Variants in BCAT1 observed in about 807,000 individuals in gnomAD.
BCAT1 encodes the protein branched-chain-amino-acid aminotransferase, cytosolic.
Under a neutral mutation model 52.4 loss-of-function variants are expected in BCAT1, and 48 were observed. That is an observed-to-expected ratio of 0.92 (90% CI 0.73 to 1.16). The LOEUF is 1.16. Ranked by LOEUF, BCAT1 falls within the 50% of genes most tolerant of loss-of-function variation. The pLI is 0.00. For synonymous variants in BCAT1, 167 were observed against 161.3 expected (o/e 1.04, Z -0.27); for missense variants, 451 against 457.1 (o/e 0.99, Z 0.12).
intron 1 of BCAT1, among the ~76,000 whole-genome samples, chr12:24,937,047 T>C (rs1413590625): frequency 6.6e-6 from 1 of 151,952 alleles, no homozygotes; most frequent in Non-Finnish European, 1.5e-5. Context: ...TGCACAGTGG[T>C]AAAAAAACTG....
intron 1 of BCAT1, among the ~76,000 whole-genome samples, chr12:24,947,060 T>C (rs1485750948): frequency 6.6e-6 from 1 of 152,056 alleles, no homozygotes; most frequent in African/African-American, 2.4e-5. Context: ...ACCACCCTTT[T>C]GTTAGGCCAG....
intron 5 of BCAT1, among the ~76,000 whole-genome samples, chr12:24,859,642 A>G (rs1042170489): frequency 2.8e-5 from 4 of 145,110 alleles, no homozygotes; most frequent in African/African-American, 5.1e-5. Flanking sequence ...AAAAAAAAGG[A>G]TTTTGCTTTT....
At chr12:24,865,067 C>A (rs1941965979) in intron 5 of BCAT1, among the ~76,000 whole-genome samples, 1 of 152,172 alleles carries the variant, frequency 6.6e-6, no homozygotes. Context: ...GGGGTTAGTC[C>A]TTGCCTTCTT....
intron 1 of BCAT1, among the ~76,000 whole-genome samples, chr12:24,928,704 T>TTG (rs1943632763): frequency 6.9e-6 from 1 of 144,090 alleles, no homozygotes; most frequent in African/African-American, 2.6e-5. Context: ...GTGTGAAATG[T>TTG]TTGTTGTTGT....
chr12:24,871,567 C>T (rs921428668), intron 5 of BCAT1, among the ~76,000 whole-genome samples: 3 of 152,010 alleles, frequency 2.0e-5, no homozygotes, highest in Admixed American at 2.0e-4. Flanking sequence ...TAATTTGATT[C>T]CTGAGAATTA....
At chr12:24,926,868 A>G (rs1943596945) in intron 1 of BCAT1, among the ~76,000 whole-genome samples, 1 of 151,704 alleles carries the variant, frequency 6.6e-6, no homozygotes, top group Admixed American at 6.6e-5. Flanking sequence ...ACCTTTGTTC[A>G]CTCGTTTATC....
chr12:24,886,340 C>T (rs1942661781), intron 3 of BCAT1, among the ~76,000 whole-genome samples: 1 of 152,254 alleles, frequency 6.6e-6, no homozygotes, highest in Non-Finnish European at 1.5e-5. Flanking sequence ...ATCACTTGAG[C>T]CCAGGAGGTA....
intron 5 of BCAT1, among the ~76,000 whole-genome samples, chr12:24,873,321 T>G (rs1460006060): frequency 1.3e-5 from 2 of 152,254 alleles, no homozygotes; most frequent in African/African-American, 2.4e-5. Context: ...CTTTTAGATT[T>G]AACAACCCAT....
At chr12:24,925,485 T>G (rs1050898769) in intron 1 of BCAT1, among the ~76,000 whole-genome samples, 1 of 152,180 alleles carries the variant, frequency 6.6e-6, no homozygotes, top group South Asian at 2.1e-4. Context: ...AATATAGATA[T>G]AGATATGCCC....
At chr12:24,824,264 TTCATTCCCTCCC>T (rs1267053295) in intron 10 of BCAT1, among the ~76,000 whole-genome samples, 9 of 145,230 alleles carry the variant, frequency 6.2e-5, no homozygotes, top group Non-Finnish European at 1.1e-4. Context: ...CCTTCCTTCC[TTCATTCCCTCCC>T]TCCCTCCCTC....
intron 1 of BCAT1, among the ~76,000 whole-genome samples, chr12:24,927,942 G>A (rs1344763053): frequency 3.3e-5 from 5 of 152,164 alleles, no homozygotes; most frequent in African/African-American, 1.2e-4. Flanking sequence ...TCACTTTTAA[G>A]TATTAGGAAA....
intron 10 of BCAT1, among the ~76,000 whole-genome samples, chr12:24,828,193 T>C (rs12422783): frequency 0.019 from 2,919 of 152,372 alleles, 50 homozygotes; most frequent in Admixed American, 0.043. Context: ...TTATTTTACT[T>C]TTCAATGTAA....
chr12:24,886,119 A>T (rs1942656457), intron 3 of BCAT1, among the ~76,000 whole-genome samples: 1 of 152,252 alleles, frequency 6.6e-6, no homozygotes, highest in Admixed American at 6.5e-5. Context: ...GCAACCCAAT[A>T]AACATATGAA....
intron 3 of BCAT1, among the ~76,000 whole-genome samples, chr12:24,883,006 G>C (rs868860943): frequency 2.0e-5 from 3 of 152,134 alleles, no homozygotes; most frequent in African/African-American, 2.4e-5. Flanking sequence ...CAACTTCAAG[G>C]CTGGGTGTGA....
rs755528254 is a variant in BCAT1 at position 24,836,588 on chromosome 12, GTTC to G, written c.823_825del (p.Glu275del). The G allele has an allele frequency of 2.4e-5, 38 of 1,611,412 alleles. No individual in the cohort carries two copies. The highest frequency in any genetic ancestry group is 4.5e-5 in the East Asian group (2 of 44,856). ...ATGCCATCTAGTGGAGGAGTTGCCA[GTTC>G]TTCTTCTGTCAATCAGAAATTGGGA... is the stretch of plus-strand genomic sequence containing the variant. On this transcript the variant is annotated inframe_deletion, in exon 8 of 11. Transcript: ENST00000261192.
chr12:24,944,972 A>T (rs1943913559), intron 1 of BCAT1, among the ~76,000 whole-genome samples: 1 of 152,200 alleles, frequency 6.6e-6, no homozygotes, highest in Non-Finnish European at 1.5e-5. Flanking sequence ...TGTTTTGCAA[A>T]ATAGTCTTTC....
Position 24,840,736 on chromosome 12 carries a change from C to T in BCAT1, c.817+1346G>A, listed in dbSNP as rs1160060704. Among the ~76,000 whole-genome samples the T allele has an allele frequency of 2.0e-5, 3 of 152,258 alleles. No individual in the cohort carries two copies. The East Asian group carries it at 5.8e-4, about 29-fold the overall frequency. ...CAGCCACATCTAAATTACCATTTTCCTCTTTTTGTAGCCAAATAACATTAG... is the reference window on the plus strand; with the variant it reads ...CAGCCACATCTAAATTACCATTTTCTTCTTTTTGTAGCCAAATAACATTAG... On this transcript the variant is annotated intron_variant, in intron 7 of 10. Coordinates refer to ENST00000261192, the MANE Select transcript of BCAT1 (RefSeq NM_005504.7).
chr12:24,834,882 T>G (rs368497489), intron 8 of BCAT1: 2 of 781,490 alleles, frequency 2.6e-6, no homozygotes, highest in African/African-American at 1.9e-5. Flanking sequence ...CTTACTTATC[T>G]TTGGACAATT....
intron 10 of BCAT1, 51 bp from the exon 11 acceptor site, chr12:24,818,100 A>G: frequency 6.3e-7 from 1 of 1,587,998 alleles, no homozygotes; most frequent in African/African-American, 1.3e-5. Flanking sequence ...AACAGGGCAG[A>G]AATAGCTTAC....
Sources: gnomAD v4.1 joint callset for allele counts (sites outside exome capture counted in the v4.1 genomes callset) on GRCh38, gnomAD v4.1.1 for gene constraint, MANE v1.5 for transcripts, NCBI Gene and HGNC (gene_info 2026-07-23, HGNC 2026-07-21) for gene names.